The following CTNNA2 variants were observed in gnomAD, a reference collection of about 807,000 sequenced individuals.
CTNNA2 encodes the protein catenin alpha 2.
A neutral mutation model predicts 101.0 loss-of-function variants in CTNNA2; 42 were observed. That is an observed-to-expected ratio of 0.42 (90% CI 0.32 to 0.54). CTNNA2 has a LOEUF of 0.54. Ranked by LOEUF, CTNNA2 falls within the 20% of genes least tolerant of loss-of-function variation. CTNNA2 has a pLI of 0.14. For synonymous variants in CTNNA2, 450 were observed against 456.4 expected (o/e 0.99, Z 0.18); for missense variants, 871 against 1,223.1 (o/e 0.71, Z 4.29).
At chr2:79,199,037 C>A (rs1278066297) in intron 2 of CTNNA2, among the ~76,000 whole-genome samples, 1 of 152,114 alleles carries the variant, frequency 6.6e-6, no homozygotes, top group Non-Finnish European at 1.5e-5. Flanking sequence ...TGCCAATATA[C>A]AGAATTCACA....
At chr2:79,768,909 C>T (rs1573920579) in intron 3 of CTNNA2, among the ~76,000 whole-genome samples, 1 of 152,224 alleles carries the variant, frequency 6.6e-6, no homozygotes, top group East Asian at 1.9e-4. Context: ...GGCTGGAGTG[C>T]AGTGGCGCCA....
At chr2:80,195,418 A>G (rs931117539) in intron 7 of CTNNA2, among the ~76,000 whole-genome samples, 1 of 152,198 alleles carries the variant, frequency 6.6e-6, no homozygotes, top group East Asian at 1.9e-4. Flanking sequence ...TTGATTTAAC[A>G]TATTTGAAAG....
intron 7 of CTNNA2, among the ~76,000 whole-genome samples, chr2:80,018,372 C>T (rs1188845234): frequency 6.6e-6 from 1 of 152,196 alleles, no homozygotes; most frequent in African/African-American, 2.4e-5. Flanking sequence ...CTGGAAACGG[C>T]TCCCTTTAGA....
At chr2:80,526,169 A>G (rs1262987928) in intron 9 of CTNNA2, among the ~76,000 whole-genome samples, 2 of 152,200 alleles carry the variant, frequency 1.3e-5, no homozygotes, top group Non-Finnish European at 1.5e-5. Flanking sequence ...ACCTCAGTAA[A>G]TCTACTGAAC....
chr2:79,686,814 A>G (rs947899330), intron 2 of CTNNA2, among the ~76,000 whole-genome samples: 2 of 152,108 alleles, frequency 1.3e-5, no homozygotes, highest in African/African-American at 4.8e-5. Context: ...CAATTTGAAA[A>G]AAATACTAAT....
chr2:80,329,840 C>T (rs1447877765), intron 7 of CTNNA2, among the ~76,000 whole-genome samples: 1 of 152,206 alleles, frequency 6.6e-6, no homozygotes, highest in Non-Finnish European at 1.5e-5. Flanking sequence ...TTGTATTCGA[C>T]TGTACCTGCC....
intron 12 of CTNNA2, among the ~76,000 whole-genome samples, chr2:80,556,390 TAGTG>T (rs1558583110): frequency 6.6e-6 from 1 of 152,184 alleles, no homozygotes. Flanking sequence ...AGGTTTTAGA[TAGTG>T]AGTGGATATG....
chr2:80,353,237 G>A (rs1673477816), intron 7 of CTNNA2, among the ~76,000 whole-genome samples: 1 of 151,986 alleles, frequency 6.6e-6, no homozygotes, highest in South Asian at 2.1e-4. Context: ...AGTAGGTACT[G>A]GGGGTAGGGA....
At chr2:79,954,335 T>C (rs1283284849) in intron 7 of CTNNA2, among the ~76,000 whole-genome samples, 2 of 152,124 alleles carry the variant, frequency 1.3e-5, no homozygotes, top group Non-Finnish European at 2.9e-5. Context: ...TTATAATTGG[T>C]CCATAAAAGG....
chr2:80,586,891 C>T (rs548065927), intron 14 of CTNNA2, among the ~76,000 whole-genome samples: 6 of 152,258 alleles, frequency 3.9e-5, no homozygotes, highest in East Asian at 3.9e-4. Flanking sequence ...TGGGCAGCCA[C>T]GGGTTCAAGG....
chr2:79,270,805 A>G (rs1675064202), intron 2 of CTNNA2, among the ~76,000 whole-genome samples: 1 of 152,112 alleles, frequency 6.6e-6, no homozygotes. Context: ...AAGGAATAAA[A>G]GAACATGTGT....
chr2:79,758,949 G>T (rs1018628758), intron 3 of CTNNA2, among the ~76,000 whole-genome samples: 8 of 152,100 alleles, frequency 5.3e-5, no homozygotes, highest in African/African-American at 1.9e-4. Flanking sequence ...TTAATAAAAG[G>T]TCTCAGATGA....
At chr2:80,294,652 A>G (rs1157442199) in intron 7 of CTNNA2, among the ~76,000 whole-genome samples, 1 of 152,036 alleles carries the variant, frequency 6.6e-6, no homozygotes, top group Non-Finnish European at 1.5e-5. Context: ...AATAATAATA[A>G]TAATAAAAAT....
intron 3 of CTNNA2, among the ~76,000 whole-genome samples, chr2:79,851,770 C>G (rs1249318813): frequency 2.8e-5 from 3 of 105,598 alleles, no homozygotes; most frequent in African/African-American, 1.1e-4. Context: ...GAGACAGAAT[C>G]TCACTCTGTC....
At chr2:79,570,707 A>G (rs748502709) in intron 1 of CTNNA2, among the ~76,000 whole-genome samples, 7 of 152,186 alleles carry the variant, frequency 4.6e-5, no homozygotes, top group Non-Finnish European at 1.0e-4. Context: ...AGGATAGCCC[A>G]CTATGTGTTT....
In CTNNA2 at chr2:80,381,827, G is replaced by A. The variant is rs2149350018; in HGVS notation, c.1057-11384G>A. Among the ~76,000 whole-genome samples the A allele has an allele frequency of 1.3e-5, 2 of 152,270 alleles. 1 individual carries two copies. The highest frequency in any genetic ancestry group is 6.8e-3 in the Middle Eastern group (2 of 294). ...CATTAAGGGTTCTCATCTCTTAGAA[G>A]CACCATTTTATCGAATCTATTCTCT... On this transcript the variant is annotated intron_variant, in intron 7 of 18. Coordinates refer to ENST00000402739, the MANE Select transcript of CTNNA2 (RefSeq NM_001282597.3).
intron 7 of CTNNA2, among the ~76,000 whole-genome samples, chr2:80,235,292 GAAAAC>G (rs1709484498): frequency 6.6e-6 from 1 of 152,158 alleles, no homozygotes. Flanking sequence ...CATAAACCCT[GAAAAC>G]AACACTGCAA....
intron 3 of CTNNA2, among the ~76,000 whole-genome samples, chr2:79,344,449 C>T (rs1346215891): frequency 1.3e-5 from 2 of 151,968 alleles, no homozygotes; most frequent in Non-Finnish European, 2.9e-5. Flanking sequence ...TTATATGATT[C>T]CCCACCCCCT....
At chr2:79,241,532 G>GA (rs1435895606) in intron 2 of CTNNA2, among the ~76,000 whole-genome samples, 4 of 151,454 alleles carry the variant, frequency 2.6e-5, no homozygotes, top group Non-Finnish European at 5.9e-5. Context: ...GAGGATTTTG[G>GA]AAAAAAAATA....
Sources: gnomAD v4.1 joint callset for allele counts (sites outside exome capture counted in the v4.1 genomes callset) on GRCh38, gnomAD v4.1.1 for gene constraint, MANE v1.5 for transcripts, NCBI Gene and HGNC (gene_info 2026-07-23, HGNC 2026-07-21) for gene names.